SBF2: variants seen among roughly 807,000 people sequenced by gnomAD.
SBF2 encodes myotubularin-related protein 13.
A neutral mutation model predicts 225.2 loss-of-function variants in SBF2; 112 were observed. The ratio of observed to expected loss-of-function variants is 0.50; its 90% CI spans 0.43 to 0.58. The LOEUF (loss-of-function observed/expected upper bound fraction) is 0.58. Ranked by LOEUF, SBF2 falls within the 20% of genes least tolerant of loss-of-function variation. SBF2 has a pLI of 0.00. For missense variants in SBF2, 1,996 were observed against 2,206.2 expected (o/e 0.90, Z 1.91); for synonymous variants, 763 against 773.3 (o/e 0.99, Z 0.22).
chr11:10,230,621 G>GA lies in SBF2; in HGVS notation c.56-36635dup, dbSNP rs1320473636. Among the ~76,000 whole-genome samples the GA allele has an allele frequency of 2.0e-5, 3 of 152,306 alleles. No individual in the cohort carries two copies. In the East Asian group the frequency reaches 5.8e-4, roughly 29 times the overall value. On this transcript the variant is annotated intron_variant, in intron 1 of 39. Coordinates refer to ENST00000256190, the MANE Select transcript of SBF2 (RefSeq NM_030962.4). ...CTGGGTTGAAAATTCTTTTCTTTAAGAATGTTGAATGTTGGCCCTCAGTTT... is the reference window on the plus strand; with the variant it reads ...CTGGGTTGAAAATTCTTTTCTTTAAGAAATGTTGAATGTTGGCCCTCAGTTT...
intron 1 of SBF2, chr11:10,302,960 C>G (rs1463970720): frequency 6.6e-6 from 1 of 152,264 alleles, no homozygotes; most frequent in Non-Finnish European, 1.5e-5. Context: ...GAAAGTAAAA[C>G]CTGTCCTGGC....
chr11:9,958,514 T>A (rs982432610), intron 16 of SBF2: 17 of 159,906 alleles, frequency 1.1e-4, no homozygotes, highest in South Asian at 5.5e-4. Context: ...GCCCGCCACC[T>A]CGCCCGGCTA....
At chr11:9,943,467 G>A (rs1449358672) in intron 16 of SBF2, among the ~76,000 whole-genome samples, 1 of 152,022 alleles carries the variant, frequency 6.6e-6, no homozygotes, top group Non-Finnish European at 1.5e-5. Flanking sequence ...AGAAATACCA[G>A]CTGCATGTAT....
At chr11:10,236,893 A>C (rs190522751) in intron 1 of SBF2, among the ~76,000 whole-genome samples, 175 of 152,358 alleles carry the variant, frequency 1.1e-3, no homozygotes, top group African/African-American at 4.1e-3. Flanking sequence ...GATAAATCTG[A>C]TTAAAGGCAT....
At chr11:9,970,124 T>C (rs1565076264) in intron 13 of SBF2, among the ~76,000 whole-genome samples, 1 of 152,208 alleles carries the variant, frequency 6.6e-6, no homozygotes, top group Non-Finnish European at 1.5e-5. Flanking sequence ...CTAACACTTA[T>C]TCTTTGCGAC....
intron 2 of SBF2, among the ~76,000 whole-genome samples, chr11:10,166,774 C>T (rs1955969460): frequency 6.6e-6 from 1 of 152,032 alleles, no homozygotes; most frequent in South Asian, 2.1e-4. Flanking sequence ...ACCAGCTTGG[C>T]CAACATCACA....
intron 2 of SBF2, among the ~76,000 whole-genome samples, chr11:10,184,952 T>G (rs1472442865): frequency 2.6e-5 from 4 of 152,206 alleles, no homozygotes; most frequent in Non-Finnish European, 5.9e-5. Context: ...GGTCTCGATC[T>G]CCTAGTATTT....
chr11:10,236,949 G>A (rs1030086690), intron 1 of SBF2, among the ~76,000 whole-genome samples: 12 of 152,088 alleles, frequency 7.9e-5, no homozygotes, highest in African/African-American at 2.9e-4. Flanking sequence ...CACAGATCTG[G>A]AAAGAAAAAA....
At position 9,850,125 on chromosome 11, in the gene SBF2, T is replaced by C. The variant is rs376463609; in HGVS notation, c.2704A>G (p.Thr902Ala). 6.8e-6 allele frequency: 11 copies of C among 1,613,828 alleles called. No individual in the cohort carries two copies. The highest frequency in any genetic ancestry group is 9.3e-6 in the Non-Finnish European group (11 of 1,179,862). ...TGAGGGCCTCCAAGAAGACCTCCAG[T>C]AGCTTCTTCTCTTCCATCAGGATCC... Reference protein sequence around the residue: ...LLDPDGREEATGGLLGGPQLL... With the variant: ...LLDPDGREEAAGGLLGGPQLL... The change falls in exon 22 of 40, where the codon ACT becomes GCT. Residue 902 changes from threonine to alanine, a missense_variant. Physicochemically the swap from Thr to Ala is moderately conservative, Grantham distance 58 (BLOSUM62 0). Coordinates refer to ENST00000256190, the MANE Select transcript of SBF2 (RefSeq NM_030962.4).
At chr11:9,819,247 C>G (rs565024992) in intron 28 of SBF2, 2 of 152,070 alleles carry the variant, frequency 1.3e-5, no homozygotes, top group African/African-American at 4.8e-5. Context: ...TGGACTCTTC[C>G]CTTAGCTGAA....
intron 1 of SBF2, among the ~76,000 whole-genome samples, chr11:10,243,853 T>C (rs1053915832): frequency 6.6e-6 from 1 of 152,200 alleles, no homozygotes; most frequent in African/African-American, 2.4e-5. Flanking sequence ...ACTTCAGGGA[T>C]AAATTCTACC....
chr11:10,022,146 C>T (rs981792915), intron 6 of SBF2, among the ~76,000 whole-genome samples: 5 of 152,150 alleles, frequency 3.3e-5, no homozygotes, highest in Non-Finnish European at 7.4e-5. Flanking sequence ...ATTCAATAAA[C>T]ATTGATGCCT....
At chr11:9,897,001 ATTC>A (rs1367350181) in intron 16 of SBF2, among the ~76,000 whole-genome samples, 1 of 152,194 alleles carries the variant, frequency 6.6e-6, no homozygotes, top group Non-Finnish European at 1.5e-5. Context: ...TATTACAGTT[ATTC>A]TTCTTCTGGG....
At chr11:10,092,171 A>C (rs1009508337) in intron 2 of SBF2, among the ~76,000 whole-genome samples, 1 of 152,204 alleles carries the variant, frequency 6.6e-6, no homozygotes, top group Non-Finnish European at 1.5e-5. Flanking sequence ...CAAAGTTAGT[A>C]ATTTTGAGAA....
chr11:10,238,037 T>C (rs1233115501), intron 1 of SBF2, among the ~76,000 whole-genome samples: 3 of 152,206 alleles, frequency 2.0e-5, no homozygotes, highest in Non-Finnish European at 4.4e-5. Context: ...GGTATGAATA[T>C]TTTGAAGCCT....
chr11:10,290,256 T>C (rs964934119), intron 1 of SBF2, among the ~76,000 whole-genome samples: 3 of 151,854 alleles, frequency 2.0e-5, no homozygotes, highest in Non-Finnish European at 4.4e-5. Context: ...CCAAGAGAGC[T>C]AGGGAAGGAG....
intron 1 of SBF2, among the ~76,000 whole-genome samples, chr11:10,205,023 G>T (rs1230865459): frequency 6.6e-6 from 1 of 151,700 alleles, no homozygotes; most frequent in Non-Finnish European, 1.5e-5. Flanking sequence ...AGGTGGGAGG[G>T]GGGAGGCAGA....
intron 1 of SBF2, among the ~76,000 whole-genome samples, chr11:10,207,730 T>C (rs890033624): frequency 6.6e-6 from 1 of 151,744 alleles, no homozygotes; most frequent in African/African-American, 2.4e-5. Context: ...TCCTTTTCTA[T>C]GGGAAAAAAA....
chr11:10,104,520 G>T (rs562617574), intron 2 of SBF2, among the ~76,000 whole-genome samples: 2 of 148,914 alleles, frequency 1.3e-5, no homozygotes, highest in Non-Finnish European at 3.0e-5. Flanking sequence ...ACTGCTCCAG[G>T]AATATGTACA....
Sources: allele counts gnomAD v4.1 joint callset (sites outside exome capture counted in the v4.1 genomes callset), GRCh38; gene constraint gnomAD v4.1.1; transcripts MANE v1.5; gene names NCBI Gene and HGNC (gene_info 2026-07-23, HGNC 2026-07-21).